LIMS1: variants seen among roughly 807,000 people sequenced by gnomAD.
LIMS1 encodes LIM zinc finger domain containing 1.
A neutral mutation model predicts 44.1 loss-of-function variants in LIMS1; 18 were observed. That is an observed-to-expected ratio of 0.41 (90% CI 0.28 to 0.61). The LOEUF (loss-of-function observed/expected upper bound fraction) is 0.61. LIMS1 is among the 20% of genes least tolerant of loss of function. The pLI, the probability that LIMS1 is intolerant of heterozygous loss-of-function variation, is 0.32. For missense variants in LIMS1, 201 were observed against 422.0 expected, an observed-to-expected ratio of 0.48 and a Z score of 4.59; for synonymous variants, 93 against 149.1, an observed-to-expected ratio of 0.62 and a Z score of 2.74.
intron 1 of LIMS1, among the ~76,000 whole-genome samples, chr2:108,599,108 A>G (rs1388546510): frequency 2.0e-5 from 3 of 152,062 alleles, no homozygotes; most frequent in African/African-American, 7.3e-5. Flanking sequence ...CTGTTGTGCT[A>G]TCAAATACTA....
chr2:108,578,587 A>ATTTTT (rs575139291), intron 1 of LIMS1, among the ~76,000 whole-genome samples: 18 of 100,776 alleles, frequency 1.8e-4, no homozygotes, highest in Non-Finnish European at 2.3e-4. Flanking sequence ...AATGTAAATA[A>ATTTTT]TTTTTTTTTT....
At chr2:108,625,028 G>A (rs1413693452) in intron 1 of LIMS1, among the ~76,000 whole-genome samples, 1 of 152,196 alleles carries the variant, frequency 6.6e-6, no homozygotes, top group Non-Finnish European at 1.5e-5. Flanking sequence ...GCAGTGAGCC[G>A]AGATCACGCC....
intron 1 of LIMS1, among the ~76,000 whole-genome samples, chr2:108,551,491 G>GCACACACACA (rs67589132): frequency 1.1e-4 from 13 of 114,862 alleles, no homozygotes; most frequent in East Asian, 4.7e-4. Context: ...GCGCGCGCGC[G>GCACACACACA]CACACACACA....
chr2:108,648,025 G>A (rs1690192501), intron 1 of LIMS1, among the ~76,000 whole-genome samples: 1 of 152,178 alleles, frequency 6.6e-6, no homozygotes, highest in Admixed American at 6.5e-5. Flanking sequence ...AAGTCAAATT[G>A]TCTCTATTTG....
Position 108,551,501 on chromosome 2 carries a change from A to G in LIMS1, c.32+16907A>G, listed in dbSNP as rs948167993. On this transcript the variant is annotated intron_variant, in intron 1 of 9. Transcript: ENST00000544547. ...TATATGCGCGCGCGCGCACACACAC[A>G]CACACACACACACACACACACACAC... is the stretch of plus-strand genomic sequence containing the variant. Among the ~76,000 whole-genome samples the G allele has an allele frequency of 8.0e-4, 111 of 139,396 alleles. 1 individual carries two copies. The highest frequency in any genetic ancestry group is 4.5e-3 in the East Asian group (13 of 2,862). The allele number at this position is 139,396 out of a possible 152,430, so 91.4% of individuals were successfully genotyped here.
At chr2:108,607,375 T>C (rs556364895) in intron 1 of LIMS1, 12 of 957,102 alleles carry the variant, frequency 1.3e-5, no homozygotes, top group East Asian at 5.3e-5. Context: ...TGTGCACATA[T>C]AGAAGTGATT....
chr2:108,637,073 T>G (rs1337103349), intron 1 of LIMS1, among the ~76,000 whole-genome samples: 1 of 151,144 alleles, frequency 6.6e-6, no homozygotes, highest in African/African-American at 2.4e-5. Flanking sequence ...AAAGAAACCT[T>G]TTTAAATTCA....
intron 1 of LIMS1, among the ~76,000 whole-genome samples, chr2:108,636,487 A>G (rs1431638140): frequency 6.6e-6 from 1 of 152,184 alleles, no homozygotes; most frequent in Non-Finnish European, 1.5e-5. Flanking sequence ...CAGGACTGGG[A>G]AGCAAACCTC....
At chr2:108,638,687 C>T (rs370755419) in intron 1 of LIMS1, among the ~76,000 whole-genome samples, 3 of 151,956 alleles carry the variant, frequency 2.0e-5, no homozygotes, top group Admixed American at 1.3e-4. Flanking sequence ...ATCGAGGTTG[C>T]GGTGAGTCAA....
chr2:108,560,406 C>CAT (rs1233213481), intron 1 of LIMS1, among the ~76,000 whole-genome samples: 1 of 152,102 alleles, frequency 6.6e-6, no homozygotes, highest in Non-Finnish European at 1.5e-5. Flanking sequence ...GATCTCATCT[C>CAT]CTACTATTCT....
intron 1 of LIMS1, among the ~76,000 whole-genome samples, chr2:108,620,898 C>T (rs568715004): frequency 2.0e-4 from 30 of 152,098 alleles, no homozygotes; most frequent in African/African-American, 6.7e-4. Context: ...TATAACCAGG[C>T]GGTTCTTTAA....
intron 1 of LIMS1, among the ~76,000 whole-genome samples, chr2:108,566,614 G>T (rs78442138): frequency 4.7e-5 from 7 of 148,658 alleles, no homozygotes; most frequent in African/African-American, 1.2e-4. Flanking sequence ...TTTTTTTTTT[G>T]AGATGGAGTT....
chr2:108,646,165 A>T (rs528118020), intron 1 of LIMS1, among the ~76,000 whole-genome samples: 3 of 152,162 alleles, frequency 2.0e-5, no homozygotes, highest in Non-Finnish European at 4.4e-5. Context: ...CTTCACCACA[A>T]ATCAGCAGAA....
At chr2:108,603,408 G>A (rs943368118) in intron 1 of LIMS1, among the ~76,000 whole-genome samples, 5 of 149,932 alleles carry the variant, frequency 3.3e-5, no homozygotes, top group East Asian at 2.0e-4. Context: ...TAGATTTTCC[G>A]ATTTATTGGC....
chr2:108,621,088 CAAGT>C (rs1403899116), intron 1 of LIMS1, among the ~76,000 whole-genome samples: 1 of 152,138 alleles, frequency 6.6e-6, no homozygotes, highest in Non-Finnish European at 1.5e-5. Context: ...TATTAATAAA[CAAGT>C]AAGTAACCTG....
At chr2:108,534,404 CCCCCCCTCCCGCGCCCCCGCGCGGCCGG>C (rs1449246419) in exon 1 of LIMS1, 1 of 360,948 alleles carries the variant, frequency 2.8e-6, no homozygotes, top group African/African-American at 2.2e-5. Flanking sequence ...CCTCGCCTTC[CCCCCCCTCCCGCGCCCCCGCGCGGCCGG>C]CCCCTGGCCT....
At chr2:108,628,253 A>G (rs747904512) in intron 1 of LIMS1, among the ~76,000 whole-genome samples, 4 of 152,168 alleles carry the variant, frequency 2.6e-5, no homozygotes, top group Non-Finnish European at 4.4e-5. Context: ...TTGTCTCCTC[A>G]GCCCTGCCTT....
In LIMS1 at chr2:108,620,749, G is replaced by A. The variant is rs1296006555; in HGVS notation, c.33-38856G>A. Among the ~76,000 whole-genome samples, 3 of 152,242 alleles carry A rather than the reference G, an allele frequency of 2.0e-5. No homozygotes were observed. In the East Asian group the frequency reaches 5.8e-4, roughly 29 times the overall value. On this transcript the variant is annotated intron_variant, in intron 1 of 9. Transcript: ENST00000544547. ...GAATTCTTCAGTAATATTTAATGAG[G>A]GGTGGGTGGACCAAAGACACTTCCT...
intron 1 of LIMS1, among the ~76,000 whole-genome samples, chr2:108,594,077 C>T (rs1686542725): frequency 6.6e-6 from 1 of 152,008 alleles, no homozygotes; most frequent in African/African-American, 2.4e-5. Flanking sequence ...TGAGCAGCAG[C>T]CAGAATTTTG....
Sources: allele counts gnomAD v4.1 joint callset (sites outside exome capture counted in the v4.1 genomes callset), GRCh38; gene constraint gnomAD v4.1.1; transcripts MANE v1.5; gene names NCBI Gene and HGNC (gene_info 2026-07-23, HGNC 2026-07-21).